Variants in XKR5 observed in about 807,000 individuals in gnomAD.
XKR5 encodes XK related 5, also known as XK-related protein 5.
XKR5 carries 46 observed loss-of-function variants against 40.8 expected under a neutral mutation model. That is an observed-to-expected ratio of 1.13 (90% confidence interval 0.89 to 1.44). The LOEUF is 1.44. Among genes scored for constraint, XKR5 ranks in the 40% most tolerant of loss-of-function variants. The pLI is 0.00. For synonymous variants in XKR5, 466 were observed against 356.1 expected, an observed-to-expected ratio of 1.31 and a Z score of -3.48; for missense variants, 1,169 against 844.7, an observed-to-expected ratio of 1.38 and a Z score of -4.76.
intron 2 of XKR5, among the ~76,000 whole-genome samples, chr8:6,825,682 C>T (rs1587188068): frequency 6.6e-6 from 1 of 152,072 alleles, no homozygotes; most frequent in Admixed American, 6.5e-5. Context: ...TCACCCCGAC[C>T]TGAGTCCCAC....
chr8:6,831,126 C>T (rs552920142), intron 2 of XKR5, among the ~76,000 whole-genome samples: 68 of 152,324 alleles, frequency 4.5e-4, no homozygotes, highest in Non-Finnish European at 8.2e-4. Context: ...TCATGCCTTA[C>T]GACTGTGATG....
At position 6,832,904 on chromosome 8, in the gene XKR5, G is replaced by T; in HGVS notation, c.59-4C>A. The T allele has an allele frequency of 6.4e-7, 1 of 1,558,932 alleles. No individual in the cohort carries two copies. The highest frequency in any genetic ancestry group is 1.4e-5 in the African/African-American group (1 of 72,116). On this transcript the variant is annotated splice_region_variant and splice_polypyrimidine_tract_variant and intron_variant, in intron 1 of 6. Coordinates refer to ENST00000618742, the MANE Select transcript of XKR5 (RefSeq NM_207411.5). ...TAGTAAGCCACGGTGTAAAGGCCTGGGTGAGAAGGGGAAAGGCAAGCAGGT... is the reference window on the plus strand; with the variant it reads ...TAGTAAGCCACGGTGTAAAGGCCTGTGTGAGAAGGGGAAAGGCAAGCAGGT...
chr8:6,811,595 T>C lies in XKR5; in HGVS notation c.1664A>G (p.Gln555Arg), dbSNP rs1803691864. ...SATAEVATSS[Q>R]QEGSPATLQT... is the part of the protein sequence containing the mutation. ...CAGAGTAGCTGGGCTGCCTTCTTGT[T>C]GTGAGGATGTGGCCACTTCTGCAGT... Residue 555 changes from glutamine (Q) to arginine (R), a missense_variant, in exon 7 of 7, where the codon CAA becomes CGA. Coordinates refer to ENST00000618742, the MANE Select transcript of XKR5 (RefSeq NM_207411.5). 1 of 1,537,270 alleles carries C rather than the reference T, an allele frequency of 6.5e-7. No individual in the cohort carries two copies. The highest frequency in any genetic ancestry group is 2.4e-5 in the East Asian group (1 of 40,918).
chr8:6,819,699 C>A (rs960392000), intron 5 of XKR5, among the ~76,000 whole-genome samples: 1 of 152,224 alleles, frequency 6.6e-6, no homozygotes, highest in Non-Finnish European at 1.5e-5. Context: ...AGCCCCACCT[C>A]AGAATGTGAC....
In XKR5 at chr8:6,821,936, A is replaced by C. The variant is rs1587177196; in HGVS notation, c.740T>G (p.Val247Gly). The C allele has an allele frequency of 6.2e-7, 1 of 1,613,158 alleles. No individual in the cohort carries two copies. The highest frequency in any genetic ancestry group is 1.1e-5 in the South Asian group (1 of 90,828). ...WRLFNLLVGA[V>G]YILCYLSFWD... ...GAAGCTGAGGTAGCAGAGGATGTAC[A>C]CGGCCCCCACGAGCAGGTTGAACAG... is the stretch of plus-strand genomic sequence containing the variant. The change falls in exon 5 of 7, where the codon GTG (valine) becomes GGG (glycine). Residue 247 changes from valine to glycine, a missense_variant. Transcript: ENST00000618742.
chr8:6,819,915 T>C (rs1279812255), intron 5 of XKR5, among the ~76,000 whole-genome samples: 1 of 147,690 alleles, frequency 6.8e-6, no homozygotes, highest in Non-Finnish European at 1.5e-5. Flanking sequence ...TTCTCTGCTC[T>C]CTTGCCCCCG....
chr8:6,826,941 G>A (rs1024660061), intron 2 of XKR5, among the ~76,000 whole-genome samples: 2 of 152,136 alleles, frequency 1.3e-5, no homozygotes, highest in Admixed American at 6.5e-5. Flanking sequence ...CGAGGCTCTC[G>A]GAAAAGGAAT....
At position 6,808,771 on chromosome 8, in the gene XKR5, T is replaced by A. The variant is rs893926029; in HGVS notation, c.*2427A>T. ...GAGTATTTCTAGCTTTCCAGGCTAT[T>A]CAAGGGCTAGAAAGTTTGAAAAGAA... is the stretch of plus-strand genomic sequence containing the variant. On this transcript the variant is annotated 3_prime_UTR_variant, in exon 7 of 7. Transcript: ENST00000618742. The A allele has an allele frequency of 2.0e-5, 3 of 152,208 alleles. No individual in the cohort carries two copies. The highest frequency in any genetic ancestry group is 7.2e-5 in the African/African-American group (3 of 41,446). The allele number at this position is 152,208 out of a possible 1,614,324, so 9.4% of individuals were successfully genotyped here. A position where few individuals can be genotyped will look rare whatever the true frequency, so the allele number is the denominator to read the frequency against.
At chr8:6,819,406 C>T (rs957792105) in intron 5 of XKR5, among the ~76,000 whole-genome samples, 1 of 152,246 alleles carries the variant, frequency 6.6e-6, no homozygotes, top group African/African-American at 2.4e-5. Context: ...TGGCCTCAGG[C>T]TTCCAAGATC....
intron 2 of XKR5, among the ~76,000 whole-genome samples, chr8:6,831,627 C>T (rs916551669): frequency 1.2e-4 from 19 of 152,056 alleles, no homozygotes; most frequent in African/African-American, 4.6e-4. Context: ...GGCCACGACC[C>T]CTTGAACACC....
At chr8:6,819,865 T>TTCCTTCCCTCCC (rs143805846) in intron 5 of XKR5, among the ~76,000 whole-genome samples, 29 of 147,278 alleles carry the variant, frequency 2.0e-4, no homozygotes, top group South Asian at 9.4e-4. Context: ...CCTTCCTTCC[T>TTCCTTCCCTCCC]TCCCTCCCTC....
At chr8:6,829,790 T>A (rs1457972549) in intron 2 of XKR5, among the ~76,000 whole-genome samples, 1 of 150,656 alleles carries the variant, frequency 6.6e-6, no homozygotes, top group Non-Finnish European at 1.5e-5. Flanking sequence ...GCACTGAGAT[T>A]ACAGGTGTGA....
At chr8:6,817,995 C>A (rs1587167140) in intron 5 of XKR5, among the ~76,000 whole-genome samples, 1 of 152,330 alleles carries the variant, frequency 6.6e-6, no homozygotes, top group Admixed American at 6.5e-5. Context: ...TCTGGCCAAG[C>A]CCCCGGATGT....
intron 2 of XKR5, among the ~76,000 whole-genome samples, 175 bp downstream of exon 2, chr8:6,832,542 G>A (rs1355620900): frequency 4.9e-4 from 74 of 151,936 alleles, no homozygotes; most frequent in Non-Finnish European, 5.9e-5. Flanking sequence ...TCAAAAAAGT[G>A]CAGGCTGGAC....
At chr8:6,812,396 C>G (rs1803771418) in intron 6 of XKR5, 57 bp from the exon 7 acceptor site, 4 of 1,464,392 alleles carry the variant, frequency 2.7e-6, no homozygotes, top group Non-Finnish European at 3.6e-6. Context: ...CATCCTCCCT[C>G]TGGTGTGCAG....
At chr8:6,815,672 A>T (rs1803921070) in intron 6 of XKR5, 135 bp downstream of exon 6, 4 of 624,042 alleles carry the variant, frequency 6.4e-6, no homozygotes, top group Middle Eastern at 2.6e-4. Context: ...TCTGCCCCCC[A>T]CATCGCAGTG....
At chr8:6,821,340 A>G (rs1470456748) in intron 5 of XKR5, among the ~76,000 whole-genome samples, 1 of 152,198 alleles carries the variant, frequency 6.6e-6, no homozygotes, top group Non-Finnish European at 1.5e-5. Context: ...CTCTCCTGGC[A>G]TCTAGCTACG....
At chr8:6,820,136 C>A (rs1421157187) in intron 5 of XKR5, among the ~76,000 whole-genome samples, 1 of 152,230 alleles carries the variant, frequency 6.6e-6, no homozygotes, top group Admixed American at 6.5e-5. Flanking sequence ...TGGTATCAAG[C>A]CTTAGCTGGT....
In XKR5 at chr8:6,811,012, T is replaced by A. The variant is rs1307442315; in HGVS notation, c.*186A>T. On this transcript the variant is annotated 3_prime_UTR_variant, in exon 7 of 7. Coordinates refer to ENST00000618742, the MANE Select transcript of XKR5 (RefSeq NM_207411.5). ...TCCTATGCATGGGTGGGGTCTGTGATGTTTGCATTGGACCTGCAAAATCAT... is the reference window on the plus strand; with the variant it reads ...TCCTATGCATGGGTGGGGTCTGTGAAGTTTGCATTGGACCTGCAAAATCAT... 5 of 607,712 alleles carry A rather than the reference T, an allele frequency of 8.2e-6. No individual in the cohort carries two copies. The highest frequency in any genetic ancestry group is 1.4e-5 in the Non-Finnish European group (5 of 352,218). 37.6% of individuals were successfully genotyped at this position (607,712 alleles called of 1,614,324 possible). A position where few individuals can be genotyped will look rare whatever the true frequency, so the allele number is the denominator to read the frequency against.
Sources: gnomAD v4.1 joint callset for allele counts (sites outside exome capture counted in the v4.1 genomes callset) on GRCh38, gnomAD v4.1.1 for gene constraint, MANE v1.5 for transcripts, NCBI Gene and HGNC (gene_info 2026-07-23, HGNC 2026-07-21) for gene names.